NAA60: variants seen among roughly 807,000 people sequenced by gnomAD.
NAA60 encodes N-alpha-acetyltransferase 60, NatF catalytic subunit, also known as N-alpha-acetyltransferase 60.
NAA60 carries 8 observed loss-of-function variants against 26.1 expected under a neutral mutation model. The observed-to-expected ratio is 0.31, with a 90% confidence interval of 0.18 to 0.55. The LOEUF (loss-of-function observed/expected upper bound fraction) is 0.55. Ranked by LOEUF, NAA60 falls within the 20% of genes least tolerant of loss-of-function variation. The pLI is 0.93. For synonymous variants in NAA60, 131 were observed against 122.5 expected (o/e 1.07, Z -0.46); for missense variants, 290 against 311.3 (o/e 0.93, Z 0.51).
In NAA60 at chr16:3,485,726, G is replaced by C. The variant is rs2037117329; in HGVS notation, c.*466G>C. ...TAAAGGCACAGGAGCCTCGGAACAA[G>C]GGGGCGCAATAAAGGGAATGGCCCG... On this transcript the variant is annotated 3_prime_UTR_variant, in exon 8 of 8. Coordinates refer to ENST00000407558, the MANE Select transcript of NAA60 (RefSeq NM_001083601.3). 2.2e-6 allele frequency: 1 copy of C among 455,852 alleles called. No homozygotes were observed. Among genetic ancestry groups the C allele is most frequent in the Non-Finnish European group, 4.4e-6 (1 of 226,592 alleles). The allele number at this position is 455,852 out of a possible 1,614,324, so 28.2% of individuals were successfully genotyped here. A position where few individuals can be genotyped will look rare whatever the true frequency, so the allele number is the denominator to read the frequency against.
intron 2 of NAA60, among the ~76,000 whole-genome samples, chr16:3,450,402 C>T (rs1389783779): frequency 2.0e-5 from 3 of 152,092 alleles, no homozygotes; most frequent in Non-Finnish European, 2.9e-5. Flanking sequence ...CTGGGTGAGT[C>T]AGGAAAGTTG....
chr16:3,465,388 G>C (rs2035686949), intron 2 of NAA60, among the ~76,000 whole-genome samples: 1 of 152,054 alleles, frequency 6.6e-6, no homozygotes, highest in African/African-American at 2.4e-5. Flanking sequence ...CCTTCTCTTG[G>C]GTCATGTTCT....
At chr16:3,473,867 C>T (rs558241571) in intron 2 of NAA60, among the ~76,000 whole-genome samples, 3 of 151,794 alleles carry the variant, frequency 2.0e-5, no homozygotes, top group Non-Finnish European at 2.9e-5. Flanking sequence ...CCTGAGTAGC[C>T]GGGATTATAG....
Position 3,482,514 on chromosome 16 carries a change from C to G in NAA60, c.253C>G (p.Leu85Val), listed in dbSNP as rs1326162528. Residue 85 changes from leucine to valine, a missense_variant, in exon 5 of 8, where the codon CTA becomes GTA. By Grantham distance (32) the Leu-to-Val change is conservative (BLOSUM62 1). Coordinates refer to ENST00000407558, the MANE Select transcript of NAA60 (RefSeq NM_001083601.3). ...TKIHKEDGDI[L>V]ASNFSVDTQV... Reference sequence around the variant, plus strand: ...ACTCTTCCTCTAGGATGGAGATATTCTAGCATCCAACTTCTCTGTTGACAC... The same window carrying G: ...ACTCTTCCTCTAGGATGGAGATATTGTAGCATCCAACTTCTCTGTTGACAC... 1.2e-6 allele frequency: 2 copies of G among 1,602,400 alleles called. No homozygotes were observed. Among genetic ancestry groups the G allele is most frequent in the Non-Finnish European group, 1.7e-6 (2 of 1,174,398 alleles).
intron 2 of NAA60, among the ~76,000 whole-genome samples, chr16:3,449,649 C>T (rs904297324): frequency 2.6e-5 from 4 of 152,168 alleles, no homozygotes; most frequent in African/African-American, 9.7e-5. Flanking sequence ...CGCACCACTG[C>T]ACTCCAGCCT....
chr16:3,444,953 GA>G (rs952417743), intron 1 of NAA60, among the ~76,000 whole-genome samples: 1 of 151,986 alleles, frequency 6.6e-6, no homozygotes, highest in African/African-American at 2.4e-5. Flanking sequence ...TGTTACAAAT[GA>G]AAAAAAGAGA....
chr16:3,481,550 C>G (rs1395131054), intron 4 of NAA60, among the ~76,000 whole-genome samples: 1 of 152,134 alleles, frequency 6.6e-6, no homozygotes, highest in Non-Finnish European at 1.5e-5. Flanking sequence ...TGTTTGTGTT[C>G]CCTCGAGGCC....
At chr16:3,483,032 A>G in intron 5 of NAA60, 1 of 474,810 alleles carries the variant, frequency 2.1e-6, no homozygotes, top group Non-Finnish European at 3.8e-6. Flanking sequence ...GCAGAGTCTT[A>G]ATTAATTTTA....
intron 5 of NAA60, 21 bp from the exon 6 acceptor site, chr16:3,483,342 C>T (rs754563003): frequency 6.4e-7 from 1 of 1,562,512 alleles, no homozygotes. Context: ...GCCTGCATTA[C>T]CTTTACCTCT....
chr16:3,484,803 C>A lies in NAA60; in HGVS notation c.677C>A (p.Pro226Gln). 6.3e-7 allele frequency: 1 copy of A among 1,576,702 alleles called. No homozygotes were observed. The highest frequency in any genetic ancestry group is 8.6e-7 in the Non-Finnish European group (1 of 1,162,078). ...QAHSLLCSFLPWSGISSKSGI... is the reference protein window; with the variant it reads ...QAHSLLCSFLQWSGISSKSGI... ...CACAGCCTGCTCTGCAGCTTCCTGC[C>A]ATGGTCGGGCATCTCTTCCAAGAGT... Residue 226 changes from proline to glutamine, a missense_variant, in exon 7 of 8, where the codon CCA becomes CAA. Coordinates refer to ENST00000407558, the MANE Select transcript of NAA60 (RefSeq NM_001083601.3).
chr16:3,453,417 A>ATT (rs199921159), intron 2 of NAA60, among the ~76,000 whole-genome samples: 1 of 149,542 alleles, frequency 6.7e-6, no homozygotes, highest in Admixed American at 6.7e-5. Context: ...ATGAAAAAAA[A>ATT]TTTTTTTTTT....
chr16:3,481,344 G>A (rs930924162), intron 4 of NAA60, among the ~76,000 whole-genome samples: 6 of 152,078 alleles, frequency 3.9e-5, no homozygotes, highest in Admixed American at 1.3e-4. Context: ...CCTGCCTCGC[G>A]GGAGTGCTAG....
chr16:3,482,296 C>T (rs181118280), intron 4 of NAA60, among the ~76,000 whole-genome samples: 1 of 152,306 alleles, frequency 6.6e-6, no homozygotes, highest in Non-Finnish European at 1.5e-5. Context: ...TTCTTCTTTT[C>T]AGCTGTTTTT....
rs144731879 is a variant in NAA60, at chr16:3,448,551, G to A, written c.-7+11G>A. On this transcript the variant is annotated intron_variant, in intron 2 of 7. Coordinates refer to ENST00000407558, the MANE Select transcript of NAA60 (RefSeq NM_001083601.3). ...GAAGAGCTCCAGAGAGTGAGTCAAAGCGCTCTGTGTCCTGCTATTAATGAT... is the reference window on the plus strand; with the variant it reads ...GAAGAGCTCCAGAGAGTGAGTCAAAACGCTCTGTGTCCTGCTATTAATGAT... 5,073 of 1,534,672 alleles carry A rather than the reference G, an allele frequency of 3.3e-3. 18 individuals carry two copies. Among genetic ancestry groups the A allele is most frequent in the Non-Finnish European group, 4.1e-3 (4,705 of 1,146,012 alleles).
rs1392905696 is a variant in NAA60 at position 3,479,409 on chromosome 16, G to A, written c.111-62G>A. 2.5e-6 allele frequency: 4 copies of A among 1,583,766 alleles called. No individual in the cohort carries two copies. The Admixed American group carries it at 6.9e-5, about 27-fold the overall frequency. On this transcript the variant is annotated intron_variant, in intron 3 of 7. Coordinates refer to ENST00000407558, the MANE Select transcript of NAA60 (RefSeq NM_001083601.3). ...GAGCTCCCTGTGGTTCTGATGTCTA[G>A]AGCACGACCATAGTTGGACTTGACC...
In NAA60 at chr16:3,448,482, G is replaced by T. The variant is rs1287188790; in HGVS notation, c.-65G>T. 1 of 1,535,432 alleles carries T rather than the reference G, an allele frequency of 6.5e-7. No individual in the cohort carries two copies. Among genetic ancestry groups the T allele is most frequent in the Non-Finnish European group, 8.7e-7 (1 of 1,146,866 alleles). ...TTTCTCCCCTGCAGCATACAGAAAG[G>T]CTGTACCTGGAGGAAGGAAGTGCGG... is the stretch of plus-strand genomic sequence containing the variant. On this transcript the variant is annotated 5_prime_UTR_variant, in exon 2 of 8. Transcript: ENST00000407558.
At chr16:3,466,158 G>A (rs1008327090) in intron 2 of NAA60, among the ~76,000 whole-genome samples, 3 of 152,332 alleles carry the variant, frequency 2.0e-5, no homozygotes, top group South Asian at 2.1e-4. Flanking sequence ...TGCCAGCACC[G>A]GCAATTTGTT....
At chr16:3,446,049 A>G (rs2034537128) in intron 1 of NAA60, among the ~76,000 whole-genome samples, 1 of 152,232 alleles carries the variant, frequency 6.6e-6, no homozygotes, top group South Asian at 2.1e-4. Context: ...ATCAAAATTT[A>G]AAAATCCTTC....
At position 3,486,124 on chromosome 16, in the gene NAA60, G is replaced by A. The variant is rs1380691375; in HGVS notation, c.*864G>A. On this transcript the variant is annotated 3_prime_UTR_variant, in exon 8 of 8. Coordinates refer to ENST00000407558, the MANE Select transcript of NAA60 (RefSeq NM_001083601.3). ...AGGAGGAAGCTGAGCTCGACATTAGGCCTCAAGGCTGCCATCTGTCTTGTA... is the reference window on the plus strand; with the variant it reads ...AGGAGGAAGCTGAGCTCGACATTAGACCTCAAGGCTGCCATCTGTCTTGTA... 5.3e-6 allele frequency: 1 copy of A among 187,230 alleles called. No individual in the cohort carries two copies. Among genetic ancestry groups the A allele is most frequent in the East Asian group, 1.5e-4 (1 of 6,878 alleles). 11.6% of individuals were successfully genotyped at this position (187,230 alleles called of 1,614,324 possible).
Sources: gnomAD v4.1 joint callset for allele counts (sites outside exome capture counted in the v4.1 genomes callset) on GRCh38, gnomAD v4.1.1 for gene constraint, MANE v1.5 for transcripts, NCBI Gene and HGNC (gene_info 2026-07-23, HGNC 2026-07-21) for gene names.